Variants in TIAM1 observed in about 807,000 individuals in gnomAD.
TIAM1 encodes the protein TIAM Rac1 associated GEF 1.
In TIAM1, 65 loss-of-function variants were observed where a neutral mutation model predicts 163.5. The observed-to-expected ratio is 0.40, with a 90% confidence interval of 0.33 to 0.49. The LOEUF (loss-of-function observed/expected upper bound fraction) is 0.49, where lower values mean the gene tolerates loss of function less well. Among genes scored for constraint, TIAM1 ranks in the 20% least tolerant of loss-of-function variants. TIAM1 has a pLI of 0.77. For synonymous variants in TIAM1, 833 were observed against 810.1 expected (o/e 1.03, Z -0.48); for missense variants, 1,789 against 2,044.7 (o/e 0.87, Z 2.41).
chr21:31,255,611 C>T (rs1255924826), intron 4 of TIAM1, among the ~76,000 whole-genome samples: 3 of 152,186 alleles, frequency 2.0e-5, no homozygotes, highest in Non-Finnish European at 4.4e-5. Context: ...ACTGACACCA[C>T]GGAATAGTCC....
chr21:31,479,369 TTGGATGGA>T (rs58755974), intron 1 of TIAM1, among the ~76,000 whole-genome samples: 5 of 149,716 alleles, frequency 3.3e-5, no homozygotes, highest in Admixed American at 2.0e-4. Flanking sequence ...GGATGGATGA[TTGGATGGA>T]TGGATGGATG....
chr21:31,454,480 G>A (rs1482736072), intron 2 of TIAM1, among the ~76,000 whole-genome samples: 4 of 152,168 alleles, frequency 2.6e-5, no homozygotes, highest in African/African-American at 9.7e-5. Flanking sequence ...ACGGGCCAGA[G>A]CAAGGTAGGC....
At chr21:31,385,493 C>A (rs2076850137) in intron 2 of TIAM1, among the ~76,000 whole-genome samples, 1 of 152,024 alleles carries the variant, frequency 6.6e-6, no homozygotes, top group Non-Finnish European at 1.5e-5. Flanking sequence ...GCCTGAGAGT[C>A]ACCCAGTGTC....
At chr21:31,530,818 G>A (rs1210630044) in intron 1 of TIAM1, among the ~76,000 whole-genome samples, 1 of 152,108 alleles carries the variant, frequency 6.6e-6, no homozygotes, top group African/African-American at 2.4e-5. Flanking sequence ...CTGTTCACTC[G>A]TATACCCAAG....
At position 31,407,407 on chromosome 21, in the gene TIAM1, G is replaced by A. The variant is rs545562669; in HGVS notation, c.-369+56576C>T. Among the ~76,000 whole-genome samples the A allele has an allele frequency of 1.6e-4, 24 of 151,982 alleles. No homozygotes were observed. In the South Asian group the frequency reaches 4.8e-3, roughly 30 times the overall value. ...CACGAAGAAGCGGCTCAAGCACCTC[G>A]GCAAAGATCCCAACAACTTGTAAAT... On this transcript the variant is annotated intron_variant, in intron 2 of 28. Transcript: ENST00000286827.
chr21:31,134,081 AAAAAC>A (rs1312911898), intron 23 of TIAM1, among the ~76,000 whole-genome samples: 7 of 152,108 alleles, frequency 4.6e-5, no homozygotes, highest in Non-Finnish European at 8.8e-5. Flanking sequence ...GAAAAACCAA[AAAAAC>A]AAAACAAAAC....
chr21:31,542,916 C>T (rs922988125), intron 1 of TIAM1, among the ~76,000 whole-genome samples: 1 of 151,868 alleles, frequency 6.6e-6, no homozygotes, highest in Non-Finnish European at 1.5e-5. Flanking sequence ...TGCAGTGAGC[C>T]GAGACTGCGC....
At position 31,338,197 on chromosome 21, in the gene TIAM1, A is replaced by G. The variant is rs954513560; in HGVS notation, c.-189+1046T>C. 3.3e-5 allele frequency among the ~76,000 whole-genome samples: 5 copies of G among 152,180 alleles called. No homozygotes were observed. The East Asian group carries it at 7.7e-4, about 23-fold the overall frequency. ...CAGGCAGAGCGGAGCAGCAGGTAAG[A>G]CTGGAGGAACAAGTCACGGCAAGAT... On this transcript the variant is annotated intron_variant, in intron 2 of 27. Coordinates refer to ENST00000541036, the MANE Select transcript of TIAM1 (RefSeq NM_001353694.2).
intron 1 of TIAM1, among the ~76,000 whole-genome samples, chr21:31,538,227 TA>T (rs1256231854): frequency 1.3e-5 from 2 of 152,226 alleles, no homozygotes; most frequent in Non-Finnish European, 2.9e-5. Flanking sequence ...ATGTTATATT[TA>T]ATTTCAATAA....
chr21:31,197,992 T>C (rs142620189), intron 12 of TIAM1, among the ~76,000 whole-genome samples: 2 of 152,222 alleles, frequency 1.3e-5, no homozygotes, highest in Admixed American at 6.5e-5. Context: ...AAGGTTCAAA[T>C]CCAAAATTTA....
chr21:31,202,215 GT>G (rs1337803777), intron 12 of TIAM1, among the ~76,000 whole-genome samples: 1 of 152,028 alleles, frequency 6.6e-6, no homozygotes, highest in Non-Finnish European at 1.5e-5. Flanking sequence ...AATTAGCACT[GT>G]TTTCTGTAAC....
chr21:31,128,200 T>A (rs992134088), intron 25 of TIAM1, among the ~76,000 whole-genome samples: 8 of 152,144 alleles, frequency 5.3e-5, no homozygotes, highest in African/African-American at 1.9e-4. Flanking sequence ...CCAGAATCTA[T>A]CTGCAAAAAA....
rs542149479 is a variant in TIAM1 at position 31,163,360 on chromosome 21, C to T, written c.2991+1602G>A. ...TGGGTAAAAGAAATGTAAGGGTCACCTAAATAAAAAGGAACTTTAAGCAGT... is the reference window on the plus strand; with the variant it reads ...TGGGTAAAAGAAATGTAAGGGTCACTTAAATAAAAAGGAACTTTAAGCAGT... On this transcript the variant is annotated intron_variant, in intron 16 of 27. Transcript: ENST00000541036. Among the ~76,000 whole-genome samples, 44 of 152,252 alleles carry T rather than the reference C, an allele frequency of 2.9e-4. 1 individual carries two copies. The South Asian group carries it at 8.7e-3, about 30-fold the overall frequency.
At chr21:31,210,987 A>G (rs2086861089) in intron 10 of TIAM1, among the ~76,000 whole-genome samples, 1 of 128,220 alleles carries the variant, frequency 7.8e-6, no homozygotes, top group Non-Finnish European at 1.5e-5. Context: ...AGCACTACAT[A>G]TTTATATTTA....
At chr21:31,550,473 T>C (rs761372723) in intron 1 of TIAM1, among the ~76,000 whole-genome samples, 2 of 152,142 alleles carry the variant, frequency 1.3e-5, no homozygotes, top group Non-Finnish European at 2.9e-5. Flanking sequence ...GGTAGCCAAG[T>C]GCTGGGAGGA....
At chr21:31,356,178 AAGAAATAAGGAACAATAGG>A (rs1454819416) in intron 2 of TIAM1, among the ~76,000 whole-genome samples, 1 of 152,260 alleles carries the variant, frequency 6.6e-6, no homozygotes, top group Non-Finnish European at 1.5e-5. Flanking sequence ...ACAGCAAAGA[AAGAAATAAGGAACAATAGG>A]AGAAATAGAC....
chr21:31,284,392 T>C lies in TIAM1; in HGVS notation c.-188-7484A>G, dbSNP rs117751205. On this transcript the variant is annotated intron_variant, in intron 2 of 27. Transcript: ENST00000541036. Reference sequence around the variant, plus strand: ...GACAGAGCTGCCTCCCACTCCCATGTAAGTTGTAGAAGCTGCAACAGGCAC... The same window carrying C: ...GACAGAGCTGCCTCCCACTCCCATGCAAGTTGTAGAAGCTGCAACAGGCAC... 3.8e-3 allele frequency among the ~76,000 whole-genome samples: 578 copies of C among 152,296 alleles called. 2 individuals carry two copies. Among genetic ancestry groups the C allele is most frequent in the Non-Finnish European group, 6.6e-3 (447 of 68,014 alleles).
chr21:31,215,387 G>A (rs1328149027), intron 9 of TIAM1, among the ~76,000 whole-genome samples: 3 of 151,760 alleles, frequency 2.0e-5, no homozygotes, highest in African/African-American at 4.8e-5. Flanking sequence ...TCAGGAGTTC[G>A]AGACCATCCT....
At chr21:31,456,335 G>C (rs2045099797) in intron 2 of TIAM1, among the ~76,000 whole-genome samples, 1 of 152,196 alleles carries the variant, frequency 6.6e-6, no homozygotes, top group African/African-American at 2.4e-5. Context: ...GCACAGAGAG[G>C]GTCATACCTG....
Sources: gnomAD v4.1 joint callset for allele counts (sites outside exome capture counted in the v4.1 genomes callset) on GRCh38, gnomAD v4.1.1 for gene constraint, MANE v1.5 for transcripts, NCBI Gene and HGNC (gene_info 2026-07-23, HGNC 2026-07-21) for gene names.